MGAT4C: variants seen among roughly 807,000 people sequenced by gnomAD.
MGAT4C encodes the protein MGAT4 family member C, also known as alpha-1,3-mannosyl-glycoprotein 4-beta-N-acetylglucosaminyltransferase C.
MGAT4C carries 19 observed loss-of-function variants against 40.1 expected under a neutral mutation model. That is an observed-to-expected ratio of 0.47 (90% confidence interval 0.33 to 0.70). MGAT4C has a LOEUF of 0.70. Ranked by LOEUF, MGAT4C falls within the 30% of genes least tolerant of loss-of-function variation. The pLI is 0.02. For synonymous variants in MGAT4C, 181 were observed against 187.1 expected, an observed-to-expected ratio of 0.97 and a Z score of 0.27; for missense variants, 491 against 563.2, an observed-to-expected ratio of 0.87 and a Z score of 1.30.
intron 2 of MGAT4C, among the ~76,000 whole-genome samples, chr12:86,489,966 C>CGGAAAGTGAT (rs1371711111): frequency 5.9e-5 from 9 of 152,044 alleles, no homozygotes; most frequent in African/African-American, 2.2e-4. Context: ...CTGAAAGTGA[C>CGGAAAGTGAT]GGGGAGAATG....
intron 1 of MGAT4C, among the ~76,000 whole-genome samples, chr12:86,747,514 G>A (rs999745078): frequency 4.0e-5 from 6 of 151,262 alleles, no homozygotes; most frequent in African/African-American, 1.5e-4. Flanking sequence ...CTAAAATTTT[G>A]TCCTAAATTG....
chr12:86,812,380 T>C (rs1952495856), intron 1 of MGAT4C, among the ~76,000 whole-genome samples: 2 of 152,104 alleles, frequency 1.3e-5, no homozygotes, highest in Admixed American at 6.6e-5. Flanking sequence ...ATTCTCTCAG[T>C]TGTTAAGTGG....
intron 1 of MGAT4C, among the ~76,000 whole-genome samples, chr12:86,240,608 TGTTTA>T (rs1566203560): frequency 6.6e-6 from 1 of 152,168 alleles, no homozygotes; most frequent in Non-Finnish European, 1.5e-5. Flanking sequence ...TTTATGTTAT[TGTTTA>T]ATCATTTGTT....
chr12:86,233,812 A>G (rs2136022653), intron 1 of MGAT4C, among the ~76,000 whole-genome samples: 1 of 152,278 alleles, frequency 6.6e-6, no homozygotes, highest in South Asian at 2.1e-4. Context: ...CAGTAAGTAT[A>G]TGTATACATT....
chr12:86,226,200 A>G (rs1272617856), intron 1 of MGAT4C, among the ~76,000 whole-genome samples: 2 of 151,972 alleles, frequency 1.3e-5, no homozygotes, highest in African/African-American at 4.8e-5. Context: ...GACAGTGGTG[A>G]TTTTGGGGTT....
intron 1 of MGAT4C, among the ~76,000 whole-genome samples, chr12:86,136,161 G>A (rs1881917625): frequency 6.6e-6 from 1 of 152,136 alleles, no homozygotes; most frequent in Admixed American, 6.5e-5. Context: ...CTATTAGTCT[G>A]TTAGATAGAT....
intron 3 of MGAT4C, among the ~76,000 whole-genome samples, chr12:86,412,153 C>A (rs1956619416): frequency 6.6e-6 from 1 of 152,204 alleles, no homozygotes; most frequent in Non-Finnish European, 1.5e-5. Context: ...AGAACCTCTA[C>A]CAGGGCAGTG....
chr12:86,035,897 T>G, intron 2 of MGAT4C, among the ~76,000 whole-genome samples: 1 of 149,780 alleles, frequency 6.7e-6, no homozygotes, highest in East Asian at 1.9e-4. Context: ...AGATGTGTGG[T>G]GTTATTTCTA....
At chr12:86,027,301 G>A (rs1268551785) in intron 2 of MGAT4C, among the ~76,000 whole-genome samples, 1 of 151,674 alleles carries the variant, frequency 6.6e-6, no homozygotes, top group African/African-American at 2.4e-5. Context: ...CTGCGACTAA[G>A]TTAAAATATC....
intron 1 of MGAT4C, among the ~76,000 whole-genome samples, chr12:86,226,902 T>C (rs760215115): frequency 6.6e-6 from 1 of 151,952 alleles, no homozygotes; most frequent in Non-Finnish European, 1.5e-5. Context: ...CTACTAGTGC[T>C]CTCTTTCTGT....
intron 2 of MGAT4C, among the ~76,000 whole-genome samples, chr12:86,619,110 G>C (rs1423790610): frequency 2.6e-5 from 4 of 152,046 alleles, no homozygotes; most frequent in Non-Finnish European, 4.4e-5. Context: ...TGCATAGGTT[G>C]TATGCAAATA....
Position 86,437,531 on chromosome 12 carries a change from A to G in MGAT4C, c.-228-2266T>C, listed in dbSNP as rs78103163. On this transcript the variant is annotated intron_variant, in intron 2 of 7. Transcript: ENST00000548651. The stretch of plus-strand genomic sequence containing the variant: ...ATGACTTATAGTATTTATTTGTTCT[A>G]GTTATTCTCAGTCTCTTTACAAATA... Among the ~76,000 whole-genome samples the G allele has an allele frequency of 9.2e-3, 1,399 of 152,014 alleles. 14 individuals carry two copies. The highest frequency in any genetic ancestry group is 0.032 in the African/African-American group (1,317 of 41,518).
At chr12:86,437,248 A>G (rs925829655) in intron 2 of MGAT4C, among the ~76,000 whole-genome samples, 2 of 151,726 alleles carry the variant, frequency 1.3e-5, no homozygotes, top group African/African-American at 4.8e-5. Context: ...GATTGTAGAC[A>G]TTTTTACTAG....
chr12:86,108,514 A>T (rs988602661), intron 1 of MGAT4C, among the ~76,000 whole-genome samples: 1 of 151,978 alleles, frequency 6.6e-6, no homozygotes, highest in Non-Finnish European at 1.5e-5. Flanking sequence ...TGACTAATTG[A>T]CCCTCTGTTC....
At chr12:86,355,015 A>G (rs896794229) in intron 3 of MGAT4C, among the ~76,000 whole-genome samples, 1 of 152,116 alleles carries the variant, frequency 6.6e-6, no homozygotes, top group African/African-American at 2.4e-5. Flanking sequence ...CCCTTGTCCT[A>G]CTGATTGGTC....
Position 86,034,246 on chromosome 12 carries a change from T to A in MGAT4C, c.-7+15428A>T, listed in dbSNP as rs1891013364. Among the ~76,000 whole-genome samples, 2 of 149,732 alleles carry A rather than the reference T, an allele frequency of 1.3e-5. 1 individual carries two copies. Among genetic ancestry groups the A allele is most frequent in the Non-Finnish European group, 3.0e-5 (2 of 66,744 alleles). On this transcript the variant is annotated intron_variant, in intron 2 of 4. Transcript: ENST00000611864. ...ATTGTGTCTCTGCCAGGTTTCAGTA[T>A]CAGGATGATGCTAGCCTCCTAGAAT...
intron 4 of MGAT4C, among the ~76,000 whole-genome samples, chr12:86,265,082 C>A (rs946930426): frequency 1.3e-5 from 2 of 152,152 alleles, no homozygotes; most frequent in South Asian, 4.1e-4. Context: ...GGCACCCGTG[C>A]GGGCACCTGG....
rs141032626 is a variant in MGAT4C at position 86,757,452 on chromosome 12, C to G, written c.-261-30211G>C. On this transcript the variant is annotated intron_variant, in intron 1 of 7. Coordinates refer to the MGAT4C transcript ENST00000548651. ...CATTAAATAGCCTATGTTTTTTTCACCTGAAGTAAAGACAATACTGTAAAG... is the reference window on the plus strand; with the variant it reads ...CATTAAATAGCCTATGTTTTTTTCAGCTGAAGTAAAGACAATACTGTAAAG... 3.2e-3 allele frequency among the ~76,000 whole-genome samples: 486 copies of G among 151,638 alleles called. 1 individual carries two copies. The highest frequency in any genetic ancestry group is 0.011 in the African/African-American group (466 of 41,342).
chr12:86,326,608 G>T (rs1393999573), intron 4 of MGAT4C, among the ~76,000 whole-genome samples: 1 of 152,022 alleles, frequency 6.6e-6, no homozygotes, highest in African/African-American at 2.4e-5. Context: ...AACTAGTTTA[G>T]ATTCTAAATA....
Sources: allele counts gnomAD v4.1 joint callset (sites outside exome capture counted in the v4.1 genomes callset), GRCh38; gene constraint gnomAD v4.1.1; transcripts MANE v1.5; gene names NCBI Gene and HGNC (gene_info 2026-07-23, HGNC 2026-07-21).